NSD1: variants seen among roughly 807,000 people sequenced by gnomAD.
NSD1 encodes histone-lysine N-methyltransferase, H3 lysine-36 specific.
In NSD1, 26 loss-of-function variants were observed where a neutral mutation model predicts 242.7. The ratio of observed to expected loss-of-function variants is 0.11; its 90% CI spans 0.08 to 0.15. NSD1 has a LOEUF of 0.15. Ranked by LOEUF, NSD1 falls within the 10% of genes least tolerant of loss-of-function variation. The pLI is 1.00. For missense variants in NSD1, 2,495 were observed against 3,272.8 expected, an observed-to-expected ratio of 0.76 and a Z score of 5.80; for synonymous variants, 1,106 against 1,178.1, an observed-to-expected ratio of 0.94 and a Z score of 1.25.
intron 2 of NSD1, among the ~76,000 whole-genome samples, chr5:177,179,389 G>C (rs982996315): frequency 6.6e-6 from 1 of 152,012 alleles, no homozygotes; most frequent in Admixed American, 6.6e-5. Flanking sequence ...CTGATTTTGT[G>C]TTTTTAGTAG....
chr5:177,203,775 G>A, intron 3 of NSD1, among the ~76,000 whole-genome samples: 1 of 151,202 alleles, frequency 6.6e-6, no homozygotes, highest in East Asian at 1.9e-4. Context: ...TACATCTTCT[G>A]TATTTTTGGA....
chr5:177,213,951 G>A (rs1763564069), intron 5 of NSD1, among the ~76,000 whole-genome samples: 1 of 152,022 alleles, frequency 6.6e-6, no homozygotes, highest in Non-Finnish European at 1.5e-5. Flanking sequence ...TGGTTAAAAA[G>A]CATGTAACCT....
intron 20 of NSD1, among the ~76,000 whole-genome samples, chr5:177,286,849 G>C (rs1288751248): frequency 6.6e-6 from 1 of 152,176 alleles, no homozygotes; most frequent in Non-Finnish European, 1.5e-5. Flanking sequence ...GTGTTCATCA[G>C]CTCAGGTAGC....
At chr5:177,136,854 ATATT>A in intron 2 of NSD1, 1 of 668,658 alleles carries the variant, frequency 1.5e-6, no homozygotes, top group African/African-American at 1.8e-5. Flanking sequence ...ACAAAGTTTT[ATATT>A]TATTTATTGT....
chr5:177,259,246 C>T (rs149121637), intron 13 of NSD1, among the ~76,000 whole-genome samples: 10 of 152,356 alleles, frequency 6.6e-5, no homozygotes, highest in Non-Finnish European at 1.5e-4. Context: ...TTGTTTTAAT[C>T]AGACTGTCAG....
intron 2 of NSD1, among the ~76,000 whole-genome samples, chr5:177,174,871 CTT>C (rs377543241): frequency 5.6e-5 from 5 of 89,676 alleles, no homozygotes; most frequent in Non-Finnish European, 8.1e-5. Context: ...CCTTATCTGA[CTT>C]TTTTTTTTTT....
At chr5:177,234,974 T>C (rs1481084957) in intron 5 of NSD1, among the ~76,000 whole-genome samples, 1 of 152,266 alleles carries the variant, frequency 6.6e-6, no homozygotes, top group African/African-American at 2.4e-5. Context: ...ACTGTTTTTT[T>C]ATCAGCTGAT....
chr5:177,278,949 A>G (rs1758617581), intron 17 of NSD1, among the ~76,000 whole-genome samples: 1 of 152,246 alleles, frequency 6.6e-6, no homozygotes, highest in South Asian at 2.1e-4. Context: ...TGGTGTCACA[A>G]TAACTGTTTG....
In NSD1 at chr5:177,298,294, T is replaced by C. The variant is rs1362841034; in HGVS notation, c.*2835T>C. On this transcript the variant is annotated 3_prime_UTR_variant, in exon 23 of 23. Coordinates refer to ENST00000439151, the MANE Select transcript of NSD1 (RefSeq NM_022455.5). ...TGGTATTTGGGTATGTGCTTGGAAA[T>C]TGAGATCTCAAGAGTGTTTGCCTTG... 2 of 233,130 alleles carry C rather than the reference T, an allele frequency of 8.6e-6. No homozygotes were observed. Among genetic ancestry groups the C allele is most frequent in the Non-Finnish European group, 1.7e-5 (2 of 118,036 alleles). The allele number at this position is 233,130 out of a possible 1,614,324, so 14.4% of individuals were successfully genotyped here.
chr5:177,283,679 T>C, intron 19 of NSD1, 108 bp from the exon 20 acceptor site: 2 of 1,260,186 alleles, frequency 1.6e-6, no homozygotes, highest in Admixed American at 3.5e-5. Flanking sequence ...CTCTGAGAGG[T>C]TCAGTCTTTA....
intron 2 of NSD1, among the ~76,000 whole-genome samples, chr5:177,185,746 T>A (rs13172121): frequency 0.12 from 12,543 of 101,632 alleles, 1,173 homozygotes; most frequent in East Asian, 0.51. Context: ...TTTTATATAT[T>A]ATATATAATA....
chr5:177,256,846 A>T (rs938243451), intron 12 of NSD1, 105 bp from the exon 13 acceptor site: 3 of 914,950 alleles, frequency 3.3e-6, no homozygotes, highest in Non-Finnish European at 5.4e-6. Context: ...GACGATGTCA[A>T]ACCGATCAGT....
chr5:177,176,685 C>T (rs1760234737), intron 2 of NSD1, among the ~76,000 whole-genome samples: 1 of 152,154 alleles, frequency 6.6e-6, no homozygotes, highest in Non-Finnish European at 1.5e-5. Flanking sequence ...TATGTCATTA[C>T]TTTTCCTGAT....
At position 177,133,989 on chromosome 5, in the gene NSD1, G is replaced by T. The variant is rs534510430; in HGVS notation, c.-18+37G>T. On this transcript the variant is annotated intron_variant, in intron 1 of 22. Transcript: ENST00000439151. The surrounding 1 kb of genome is among the most constrained non-coding windows in gnomAD (Gnocchi z 6.2). ...GCTGGGGTGGGCGGCGGGCAGGCGC[G>T]AGGAGAAGGGAGGGAGGAGGGTGGC... 2.6e-4 allele frequency: 40 copies of T among 156,686 alleles called. No individual in the cohort carries two copies. The highest frequency in any genetic ancestry group is 9.0e-4 in the African/African-American group (37 of 40,936). 9.7% of individuals were successfully genotyped at this position (156,686 alleles called of 1,614,324 possible).
At chr5:177,176,096 G>A (rs1372680843) in intron 2 of NSD1, among the ~76,000 whole-genome samples, 4 of 152,072 alleles carry the variant, frequency 2.6e-5, no homozygotes, top group African/African-American at 4.8e-5. Context: ...GGCTGGTCTC[G>A]AACTCCTGAC....
At chr5:177,204,001 A>T in intron 3 of NSD1, 119 bp from the exon 4 acceptor site, 1 of 953,670 alleles carries the variant, frequency 1.0e-6, no homozygotes, top group Non-Finnish European at 1.7e-6. Context: ...TGTCTAGTTC[A>T]GTGGGCATGT....
intron 21 of NSD1, among the ~76,000 whole-genome samples, chr5:177,290,476 C>T (rs1338928416): frequency 6.7e-6 from 1 of 149,398 alleles, no homozygotes; most frequent in African/African-American, 2.5e-5. Flanking sequence ...GGTATGATCT[C>T]GGCTCACTGT....
chr5:177,252,217 A>T (rs904723605), intron 12 of NSD1, among the ~76,000 whole-genome samples: 1 of 152,196 alleles, frequency 6.6e-6, no homozygotes, highest in African/African-American at 2.4e-5. Context: ...GGGAATATGG[A>T]ATACAGGCCA....
intron 5 of NSD1, among the ~76,000 whole-genome samples, chr5:177,225,294 C>G (rs1326133912): frequency 6.6e-6 from 1 of 152,064 alleles, no homozygotes; most frequent in Non-Finnish European, 1.5e-5. Flanking sequence ...AGGCACGTGC[C>G]ACCACACCCA....
Sources: gnomAD v4.1 joint callset for allele counts (sites outside exome capture counted in the v4.1 genomes callset) on GRCh38, gnomAD v4.1.1 for gene constraint, Gnocchi (gnomAD v3.1) non-coding constraint, MANE v1.5 for transcripts, NCBI Gene and HGNC (gene_info 2026-07-23, HGNC 2026-07-21) for gene names.